Variants in ATL2 observed in about 807,000 individuals in gnomAD.
ATL2 encodes atlastin GTPase 2.
In ATL2, 31 loss-of-function variants were observed where a neutral mutation model predicts 73.9. The ratio of observed to expected loss-of-function variants is 0.42; its 90% CI spans 0.32 to 0.57. ATL2 has a LOEUF of 0.57. Ranked by LOEUF, ATL2 falls within the 20% of genes least tolerant of loss-of-function variation. ATL2 has a pLI of 0.14. For missense variants in ATL2, 738 were observed against 702.6 expected (o/e 1.05, Z -0.57); for synonymous variants, 291 against 237.5 (o/e 1.23, Z -2.07).
intron 1 of ATL2, among the ~76,000 whole-genome samples, chr2:38,346,187 T>C (rs1670006865): frequency 6.6e-6 from 1 of 152,180 alleles, no homozygotes; most frequent in Non-Finnish European, 1.5e-5. Context: ...ACCTTCTTAA[T>C]TTGTCTTCAT....
chr2:38,313,617 C>T (rs1667872475), intron 6 of ATL2, among the ~76,000 whole-genome samples: 2 of 152,120 alleles, frequency 1.3e-5, no homozygotes, highest in African/African-American at 4.8e-5. Flanking sequence ...GATTATAGAT[C>T]TGGGGTCAAT....
At chr2:38,334,439 C>T (rs1030488121) in intron 2 of ATL2, among the ~76,000 whole-genome samples, 1 of 151,878 alleles carries the variant, frequency 6.6e-6, no homozygotes, top group African/African-American at 2.4e-5. Flanking sequence ...CGGTGGCTCA[C>T]ACCTGTAATC....
intron 9 of ATL2, 84 bp downstream of exon 9, chr2:38,309,295 G>T: frequency 1.5e-6 from 2 of 1,311,864 alleles, no homozygotes; most frequent in Non-Finnish European, 1.0e-6. Flanking sequence ...TTAAAATAAA[G>T]ACAAGAAATT....
chr2:38,352,114 A>G (rs549323927), intron 1 of ATL2, among the ~76,000 whole-genome samples: 2 of 143,730 alleles, frequency 1.4e-5, no homozygotes, highest in Admixed American at 6.8e-5. Flanking sequence ...CTGTTTCAAA[A>G]ACAAACAAAA....
intron 1 of ATL2, among the ~76,000 whole-genome samples, chr2:38,374,155 G>C (rs1299077927): frequency 6.6e-6 from 1 of 151,914 alleles, no homozygotes; most frequent in Non-Finnish European, 1.5e-5. Context: ...CCTCCGAAAA[G>C]TGCTGGGATT....
intron 1 of ATL2, among the ~76,000 whole-genome samples, chr2:38,361,848 G>C (rs1477253156): frequency 6.6e-6 from 1 of 152,140 alleles, no homozygotes; most frequent in Non-Finnish European, 1.5e-5. Context: ...CCATTTCACA[G>C]AGAGGAAATG....
rs370039861 is a variant in ATL2, at chr2:38,341,848, G to A, written c.363+1420C>T. Reference sequence around the variant, plus strand: ...GAATGTTTACCTTATTTCTTACCTCGAAGAGAATGCACACCCAATTACAAA... The same window carrying A: ...GAATGTTTACCTTATTTCTTACCTCAAAGAGAATGCACACCCAATTACAAA... On this transcript the variant is annotated intron_variant, in intron 2 of 12. Transcript: ENST00000378954. 4.5e-4 allele frequency among the ~76,000 whole-genome samples: 69 copies of A among 152,210 alleles called. 3 individuals are homozygous for A. The South Asian group carries it at 7.7e-3, about 17-fold the overall frequency.
chr2:38,318,484 G>T, intron 4 of ATL2, 51 bp downstream of exon 4: 4 of 1,333,668 alleles, frequency 3.0e-6, no homozygotes, highest in Non-Finnish European at 4.1e-6. Context: ...AAAAAAAAAA[G>T]GGGCCAAATG....
intron 4 of ATL2, among the ~76,000 whole-genome samples, chr2:38,318,096 G>C (rs929270855): frequency 6.6e-6 from 1 of 152,138 alleles, no homozygotes; most frequent in African/African-American, 2.4e-5. Flanking sequence ...GCTAGAGTGT[G>C]CATGATCACA....
chr2:38,324,374 T>A (rs1378259047), intron 2 of ATL2, among the ~76,000 whole-genome samples: 1 of 152,192 alleles, frequency 6.6e-6, no homozygotes, highest in African/African-American at 2.4e-5. Context: ...TCTTCATGTG[T>A]ATAAAACTAG....
intron 1 of ATL2, among the ~76,000 whole-genome samples, chr2:38,348,736 A>G (rs575510613): frequency 2.0e-5 from 3 of 151,994 alleles, no homozygotes; most frequent in African/African-American, 4.8e-5. Flanking sequence ...TGAACAGGCA[A>G]CCTACAAAAT....
At chr2:38,316,740 G>A (rs1458421658) in intron 4 of ATL2, among the ~76,000 whole-genome samples, 1 of 152,072 alleles carries the variant, frequency 6.6e-6, no homozygotes, top group Non-Finnish European at 1.5e-5. Flanking sequence ...ACAACAAAGT[G>A]GCTGCACAGC....
chr2:38,357,206 T>C (rs931944880), intron 1 of ATL2, among the ~76,000 whole-genome samples: 6 of 152,000 alleles, frequency 3.9e-5, no homozygotes, highest in Non-Finnish European at 8.8e-5. Flanking sequence ...TGGGTGCCTG[T>C]AATCCCAGCT....
chr2:38,341,968 T>C (rs1669745580), intron 2 of ATL2, among the ~76,000 whole-genome samples: 1 of 152,238 alleles, frequency 6.6e-6, no homozygotes, highest in African/African-American at 2.4e-5. Flanking sequence ...ATGTGGCTTC[T>C]GAATGTCAAA....
intron 1 of ATL2, among the ~76,000 whole-genome samples, chr2:38,363,418 C>G (rs771787635): frequency 1.3e-5 from 2 of 151,338 alleles, no homozygotes; most frequent in Non-Finnish European, 2.9e-5. Flanking sequence ...TGGCATACAG[C>G]TATTTTTCCA....
intron 6 of ATL2, among the ~76,000 whole-genome samples, chr2:38,314,291 G>A (rs957776346): frequency 1.3e-5 from 2 of 151,698 alleles, no homozygotes; most frequent in African/African-American, 4.8e-5. Context: ...TAGTTACCAC[G>A]TATAAAAAAA....
At chr2:38,350,315 G>C (rs758718322) in intron 1 of ATL2, among the ~76,000 whole-genome samples, 8 of 152,176 alleles carry the variant, frequency 5.3e-5, no homozygotes, top group Non-Finnish European at 1.0e-4. Context: ...GACACCTAAA[G>C]ATGATCACCT....
At position 38,315,272 on chromosome 2, in the gene ATL2, A is replaced by G. The variant is rs768417041; in HGVS notation, c.654+12T>C. The G allele has an allele frequency of 6.8e-7, 1 of 1,479,654 alleles. No homozygotes were observed. 91.7% of individuals were successfully genotyped at this position (1,479,654 alleles called of 1,614,324 possible). On this transcript the variant is annotated intron_variant, in intron 5 of 12. Transcript: ENST00000378954. The stretch of plus-strand genomic sequence containing the variant: ...ATCTCAAAAAATAAAAATTAAAAAA[A>G]GAAATACGTACTTGCAAATGTTGAA...
intron 2 of ATL2, among the ~76,000 whole-genome samples, chr2:38,337,427 A>G (rs1331087563): frequency 1.5e-5 from 2 of 132,806 alleles, no homozygotes; most frequent in Non-Finnish European, 3.1e-5. Flanking sequence ...CAGAGGTTGC[A>G]GTGAGCTGAG....
Sources: allele counts gnomAD v4.1 joint callset (sites outside exome capture counted in the v4.1 genomes callset), GRCh38; gene constraint gnomAD v4.1.1; transcripts MANE v1.5; gene names NCBI Gene and HGNC (gene_info 2026-07-23, HGNC 2026-07-21).